Variants in PIGK observed in about 807,000 individuals in gnomAD.
PIGK encodes GPI-anchor transamidase.
A neutral mutation model predicts 50.6 loss-of-function variants in PIGK; 42 were observed. The observed-to-expected ratio is 0.83, with a 90% confidence interval of 0.65 to 1.07. The LOEUF (loss-of-function observed/expected upper bound fraction) is 1.07, where lower values mean the gene tolerates loss of function less well. PIGK is among the 50% of genes least tolerant of loss of function. The probability of loss-of-function intolerance (pLI) is 0.00; values close to 1 mark genes in which losing one functional copy is unlikely to be tolerated. For synonymous variants in PIGK, 151 were observed against 156.0 expected (o/e 0.97, Z 0.24); for missense variants, 448 against 488.7 (o/e 0.92, Z 0.78).
At chr1:77,113,523 C>T (rs886838409) in intron 10 of PIGK, among the ~76,000 whole-genome samples, 2 of 152,030 alleles carry the variant, frequency 1.3e-5, no homozygotes, top group African/African-American at 4.8e-5. Context: ...ACTCATTTTT[C>T]TCACAACTTT....
intron 1 of PIGK, among the ~76,000 whole-genome samples, 190 bp from the exon 2 acceptor site, chr1:77,210,679 T>C (rs548444877): frequency 5.9e-5 from 9 of 152,078 alleles, no homozygotes; most frequent in African/African-American, 2.2e-4. Flanking sequence ...TAAGACACTA[T>C]AAGGACAAAA....
intron 9 of PIGK, among the ~76,000 whole-genome samples, chr1:77,141,488 GAAT>G (rs1324528398): frequency 2.0e-5 from 3 of 152,002 alleles, no homozygotes; most frequent in Admixed American, 2.0e-4. Flanking sequence ...AGTACTTTCA[GAAT>G]AATAAGTCAC....
At chr1:77,099,303 T>C (rs1653490037) in intron 10 of PIGK, among the ~76,000 whole-genome samples, 1 of 152,214 alleles carries the variant, frequency 6.6e-6, no homozygotes. Flanking sequence ...TTAGTGTTTT[T>C]CTGGGGGAAG....
chr1:77,147,389 G>A (rs143235436), intron 9 of PIGK, among the ~76,000 whole-genome samples: 146 of 152,206 alleles, frequency 9.6e-4, no homozygotes, highest in African/African-American at 3.2e-3. Flanking sequence ...GGGAGGTGAG[G>A]GCAGGGGAGA....
At chr1:77,148,901 G>A (rs1007853524) in intron 9 of PIGK, among the ~76,000 whole-genome samples, 1 of 152,082 alleles carries the variant, frequency 6.6e-6, no homozygotes, top group Non-Finnish European at 1.5e-5. Flanking sequence ...ATTTTTAGTA[G>A]AGATGGGGTT....
chr1:77,144,017 T>C (rs532745308), intron 9 of PIGK, among the ~76,000 whole-genome samples: 2 of 152,188 alleles, frequency 1.3e-5, no homozygotes, highest in South Asian at 2.1e-4. Context: ...ATTATTCTCA[T>C]TTTACAGATG....
At position 77,129,342 on chromosome 1, in the gene PIGK, G is replaced by C. The variant is rs766600467; in HGVS notation, c.987-6983C>G. On this transcript the variant is annotated intron_variant, in intron 9 of 10. Coordinates refer to ENST00000370812, the MANE Select transcript of PIGK (RefSeq NM_005482.3). Reference sequence around the variant, plus strand: ...CAGGTGTGCGCAGGCCAAGCAGTGGGGCTGGACACAAGGTCGGTGGCCCAA... The same window carrying C: ...CAGGTGTGCGCAGGCCAAGCAGTGGCGCTGGACACAAGGTCGGTGGCCCAA... 7 of 1,586,208 alleles carry C rather than the reference G, an allele frequency of 4.4e-6. No homozygotes were observed. In the Admixed American group the frequency reaches 1.2e-4, roughly 26 times the overall value.
At chr1:77,102,309 T>A (rs1653568012) in intron 10 of PIGK, among the ~76,000 whole-genome samples, 1 of 152,218 alleles carries the variant, frequency 6.6e-6, no homozygotes, top group South Asian at 2.1e-4. Flanking sequence ...CCTCCAATAT[T>A]GTGAGTGGTA....
chr1:77,161,900 A>G (rs1474112175), intron 6 of PIGK, among the ~76,000 whole-genome samples, 189 bp from the exon 7 acceptor site: 1 of 152,210 alleles, frequency 6.6e-6, no homozygotes, highest in Non-Finnish European at 1.5e-5. Flanking sequence ...CAAGGAAACC[A>G]CAGCGAGTCT....
At chr1:77,168,575 A>G (rs1655282647) in intron 4 of PIGK, among the ~76,000 whole-genome samples, 1 of 148,102 alleles carries the variant, frequency 6.8e-6, no homozygotes, top group African/African-American at 2.6e-5. Flanking sequence ...GCTATATGAT[A>G]CATGAGACAC....
At chr1:77,197,665 C>T (rs979815859) in intron 3 of PIGK, among the ~76,000 whole-genome samples, 1 of 152,054 alleles carries the variant, frequency 6.6e-6, no homozygotes, top group Non-Finnish European at 1.5e-5. Context: ...CATTTTTGCC[C>T]ATCTCTGAAG....
chr1:77,148,189 TTAAA>T (rs1654813360), intron 9 of PIGK, among the ~76,000 whole-genome samples: 1 of 152,176 alleles, frequency 6.6e-6, no homozygotes, highest in African/African-American at 2.4e-5. Context: ...ATTATATACT[TTAAA>T]TAAACTTTGG....
chr1:77,177,696 C>T (rs974196072), intron 3 of PIGK, among the ~76,000 whole-genome samples: 3 of 152,132 alleles, frequency 2.0e-5, no homozygotes, highest in African/African-American at 7.2e-5. Context: ...ATTCCTCTAG[C>T]GCCGCTGAGT....
At chr1:77,196,602 G>A (rs184523093) in intron 3 of PIGK, among the ~76,000 whole-genome samples, 39 of 152,076 alleles carry the variant, frequency 2.6e-4, no homozygotes, top group Admixed American at 5.9e-4. Context: ...TTTTTTGGCC[G>A]TTTGTATGTC....
At position 77,182,527 on chromosome 1, in the gene PIGK, T is replaced by TAC. The variant is rs34396665; in HGVS notation, c.240-13134_240-13133dup. On this transcript the variant is annotated intron_variant, in intron 3 of 10. Transcript: ENST00000370812. ...ATCAATCTATCTATCTATCTATCTGTACACACACACACACACACACACATA... is the reference window on the plus strand; with the variant it reads ...ATCAATCTATCTATCTATCTATCTGTACACACACACACACACACACACACATA... Among the ~76,000 whole-genome samples, 430 of 150,340 alleles carry TAC rather than the reference T, an allele frequency of 2.9e-3. 3 individuals carry two copies. Among genetic ancestry groups the TAC allele is most frequent in the African/African-American group, 8.7e-3 (355 of 41,038 alleles).
intron 10 of PIGK, 118 bp downstream of exon 10, chr1:77,122,157 G>A: frequency 1.6e-6 from 1 of 636,016 alleles, no homozygotes; most frequent in South Asian, 2.1e-5. Context: ...AATAGGGATA[G>A]ACAGCCCAGA....
At chr1:77,100,597 A>G (rs1247195257) in intron 10 of PIGK, among the ~76,000 whole-genome samples, 1 of 152,140 alleles carries the variant, frequency 6.6e-6, no homozygotes, top group Non-Finnish European at 1.5e-5. Flanking sequence ...GGATATAATC[A>G]AGGTACCTAA....
intron 3 of PIGK, among the ~76,000 whole-genome samples, chr1:77,202,456 G>A (rs1004142542): frequency 1.3e-5 from 2 of 152,226 alleles, no homozygotes; most frequent in South Asian, 2.1e-4. Flanking sequence ...GTAGGTGAGC[G>A]ACCAGTGCAA....
intron 1 of PIGK, among the ~76,000 whole-genome samples, chr1:77,211,991 A>T (rs1287419983): frequency 1.3e-5 from 2 of 152,016 alleles, no homozygotes; most frequent in African/African-American, 4.8e-5. Context: ...CCTGTTAAAA[A>T]TTTCATTCAG....
Sources: allele counts gnomAD v4.1 joint callset (sites outside exome capture counted in the v4.1 genomes callset), GRCh38; gene constraint gnomAD v4.1.1; transcripts MANE v1.5; gene names NCBI Gene and HGNC (gene_info 2026-07-23, HGNC 2026-07-21).